The following COL19A1 variants were observed in gnomAD, a reference collection of about 807,000 sequenced individuals.
COL19A1 encodes the protein collagen type XIX alpha 1 chain.
In COL19A1, 159 loss-of-function variants were observed where a neutral mutation model predicts 190.2. The ratio of observed to expected loss-of-function variants is 0.84; its 90% CI spans 0.73 to 0.95. COL19A1 has a LOEUF of 0.95. Among genes scored for constraint, COL19A1 ranks in the 40% least tolerant of loss-of-function variants. COL19A1 has a pLI of 0.00. For missense variants in COL19A1, 1,418 were observed against 1,431.9 expected, an observed-to-expected ratio of 0.99 and a Z score of 0.16; for synonymous variants, 509 against 458.9, an observed-to-expected ratio of 1.11 and a Z score of -1.39.
intron 15 of COL19A1, among the ~76,000 whole-genome samples, chr6:70,078,745 A>C (rs1782047100): frequency 6.6e-6 from 1 of 152,134 alleles, no homozygotes; most frequent in Non-Finnish European, 1.5e-5. Flanking sequence ...GAAAGTGAAG[A>C]CATGATTTTA....
chr6:70,153,421 A>T (rs1354732864), intron 31 of COL19A1, among the ~76,000 whole-genome samples: 1 of 152,170 alleles, frequency 6.6e-6, no homozygotes, highest in Non-Finnish European at 1.5e-5. Flanking sequence ...TTGGTTAATA[A>T]TTGATGCATC....
At chr6:70,091,371 C>G (rs1221207250) in intron 15 of COL19A1, among the ~76,000 whole-genome samples, 1 of 152,030 alleles carries the variant, frequency 6.6e-6, no homozygotes, top group Non-Finnish European at 1.5e-5. Context: ...ATTATTGTCC[C>G]CACTGGTATA....
intron 15 of COL19A1, among the ~76,000 whole-genome samples, chr6:70,084,758 AC>A (rs1227732900): frequency 1.3e-5 from 2 of 152,140 alleles, no homozygotes; most frequent in African/African-American, 4.8e-5. Flanking sequence ...CACAGACCTT[AC>A]CTCTATAAGG....
intron 4 of COL19A1, among the ~76,000 whole-genome samples, chr6:69,924,885 T>C (rs999123950): frequency 6.6e-6 from 1 of 152,252 alleles, no homozygotes; most frequent in Non-Finnish European, 1.5e-5. Context: ...AAATGTCTTC[T>C]TTTGAGAAGT....
chr6:69,954,575 A>G (rs1774306356), intron 9 of COL19A1, among the ~76,000 whole-genome samples: 1 of 151,998 alleles, frequency 6.6e-6, no homozygotes, highest in South Asian at 2.1e-4. Context: ...TTGCACAACA[A>G]AGTTTACAGG....
At chr6:69,869,896 G>A (rs1246714844) in intron 1 of COL19A1, among the ~76,000 whole-genome samples, 2 of 152,194 alleles carry the variant, frequency 1.3e-5, no homozygotes, top group Non-Finnish European at 2.9e-5. Context: ...ACAAAACTGA[G>A]GAAATGTAAT....
At chr6:69,938,495 T>C (rs1214609036) in intron 9 of COL19A1, among the ~76,000 whole-genome samples, 1 of 119,186 alleles carries the variant, frequency 8.4e-6, no homozygotes, top group African/African-American at 3.0e-5. Context: ...GCTCTCTACC[T>C]TTTTTTTTTA....
chr6:70,140,253 C>T (rs1193231966), intron 19 of COL19A1, among the ~76,000 whole-genome samples: 3 of 151,848 alleles, frequency 2.0e-5, no homozygotes, highest in Non-Finnish European at 2.9e-5. Context: ...ATGCATTCTC[C>T]TGTATACTTC....
In COL19A1 at chr6:70,211,782, T is replaced by C. The variant is rs1768221532; in HGVS notation, c.*4508T>C. Among the ~76,000 whole-genome samples, 2 of 152,020 alleles carry C rather than the reference T, an allele frequency of 1.3e-5. No individual in the cohort carries two copies. On this transcript the variant is annotated 3_prime_UTR_variant, in exon 51 of 51. Coordinates refer to ENST00000620364, the MANE Select transcript of COL19A1 (RefSeq NM_001858.6). ...TGCTAGAGTAACTGATCAATTTGGT[T>C]AAATTGAATGAAGAACCAAGTGAAC... is the stretch of plus-strand genomic sequence containing the variant.
intron 27 of COL19A1, among the ~76,000 whole-genome samples, chr6:70,147,654 GT>G (rs966491225): frequency 1.3e-5 from 2 of 151,914 alleles, no homozygotes; most frequent in East Asian, 1.9e-4. Context: ...GCTGTGTGGG[GT>G]TTTTTTTCCC....
intron 18 of COL19A1, among the ~76,000 whole-genome samples, chr6:70,131,502 A>T (rs998369347): frequency 6.6e-6 from 1 of 152,266 alleles, no homozygotes; most frequent in African/African-American, 2.4e-5. Flanking sequence ...TGAAAAAGAC[A>T]TCCAAAAATT....
intron 49 of COL19A1, 48 bp from the exon 50 acceptor site, chr6:70,206,853 C>A: frequency 1.3e-6 from 2 of 1,532,360 alleles, no homozygotes; most frequent in South Asian, 1.2e-5. Context: ...TGCTGTGTTG[C>A]CATAGAACCC....
chr6:70,102,097 C>G lies in COL19A1; in HGVS notation c.1225-72C>G, dbSNP rs1025662418. 9 of 1,148,790 alleles carry G rather than the reference C, an allele frequency of 7.8e-6. No individual in the cohort carries two copies. The Admixed American group carries it at 1.5e-4, about 20-fold the overall frequency. 71.2% of individuals were successfully genotyped at this position (1,148,790 alleles called of 1,614,324 possible). A position where few individuals can be genotyped will look rare whatever the true frequency, so the allele number is the denominator to read the frequency against. ...TCATTTTTACTGTCTTCAATATTCCCATTTAATATTGTTTGATATTAAAAT... is the reference window on the plus strand; with the variant it reads ...TCATTTTTACTGTCTTCAATATTCCGATTTAATATTGTTTGATATTAAAAT... On this transcript the variant is annotated intron_variant, in intron 15 of 50. Transcript: ENST00000620364.
chr6:69,894,682 C>A (rs1164252063), intron 2 of COL19A1, among the ~76,000 whole-genome samples: 1 of 152,100 alleles, frequency 6.6e-6, no homozygotes, highest in South Asian at 2.1e-4. Context: ...AGATATCAAA[C>A]CAGAAAGAAA....
chr6:70,170,927 T>A (rs1765459967), intron 40 of COL19A1, among the ~76,000 whole-genome samples: 1 of 152,194 alleles, frequency 6.6e-6, no homozygotes, highest in Non-Finnish European at 1.5e-5. Flanking sequence ...CTTGTTTCTT[T>A]GTGATTATGT....
Position 70,151,434 on chromosome 6 carries a change from T to G in COL19A1, c.2075T>G (p.Leu692Arg). The change falls in exon 31 of 51, where the codon CTC becomes CGC. Residue 692 changes from leucine to arginine, a missense_variant. Physicochemically the swap from Leu to Arg is moderately radical, Grantham distance 102. Coordinates refer to ENST00000620364, the MANE Select transcript of COL19A1 (RefSeq NM_001858.6). ...LPLLGDIGAL[L>R]KNFCGNCQAS... ...CTCTTGGGAGACATCGGTGCTTTGC[T>G]CAAGGTACTCTATTGCTATGTAAGA... The G allele has an allele frequency of 3.1e-6, 5 of 1,612,688 alleles. No individual in the cohort carries two copies. Among genetic ancestry groups the G allele is most frequent in the African/African-American group, 1.3e-5 (1 of 74,952 alleles).
At chr6:69,928,124 T>A (rs988479196) in intron 5 of COL19A1, 92 bp downstream of exon 5, 87 of 1,509,476 alleles carry the variant, frequency 5.8e-5, no homozygotes, top group Non-Finnish European at 7.9e-5. Flanking sequence ...TGCGAGTAGA[T>A]CTAGTATCCA....
At chr6:70,162,235 A>AT (rs1787853177) in intron 35 of COL19A1, among the ~76,000 whole-genome samples, 2 of 152,198 alleles carry the variant, frequency 1.3e-5, no homozygotes, top group Middle Eastern at 3.4e-3. Context: ...AGAGCATTCT[A>AT]TTTTTTATTT....
intron 34 of COL19A1, 120 bp downstream of exon 34, chr6:70,156,843 G>T: frequency 1.6e-6 from 1 of 615,094 alleles, no homozygotes; most frequent in Non-Finnish European, 2.7e-6. Flanking sequence ...TAAAAACAAA[G>T]ACCACTTAGA....
Sources: gnomAD v4.1 joint callset for allele counts (sites outside exome capture counted in the v4.1 genomes callset) on GRCh38, gnomAD v4.1.1 for gene constraint, MANE v1.5 for transcripts, NCBI Gene and HGNC (gene_info 2026-07-23, HGNC 2026-07-21) for gene names.